The following TMPRSS9 variants were observed in gnomAD, a reference collection of about 807,000 sequenced individuals.
TMPRSS9 encodes transmembrane serine protease 9.
Under a neutral mutation model 111.4 loss-of-function variants are expected in TMPRSS9, and 113 were observed. The observed-to-expected ratio is 1.01, with a 90% CI of 0.87 to 1.19. The LOEUF (loss-of-function observed/expected upper bound fraction) is 1.19, where lower values mean the gene tolerates loss of function less well. Among genes scored for constraint, TMPRSS9 ranks in the 50% most tolerant of loss-of-function variants. TMPRSS9 has a pLI of 0.00. For synonymous variants in TMPRSS9, 805 were observed against 659.1 expected, an observed-to-expected ratio of 1.22 and a Z score of -3.39; for missense variants, 1,803 against 1,513.1, an observed-to-expected ratio of 1.19 and a Z score of -3.18.
At chr19:2,424,643 A>C (rs1012402407) in intron 15 of TMPRSS9, among the ~76,000 whole-genome samples, 15 of 151,426 alleles carry the variant, frequency 9.9e-5, no homozygotes, top group Admixed American at 9.2e-4. Context: ...CACCCAGTAG[A>C]AAGCTGCCCT....
chr19:2,416,100 A>C, intron 11 of TMPRSS9: 1 of 442,982 alleles, frequency 2.3e-6, no homozygotes, highest in East Asian at 3.7e-5. Flanking sequence ...ATTCCCAGGC[A>C]TGGTGGCCCG....
At chr19:2,393,436 C>T (rs994061014) in intron 1 of TMPRSS9, among the ~76,000 whole-genome samples, 1 of 152,130 alleles carries the variant, frequency 6.6e-6, no homozygotes. Flanking sequence ...GGAAGAAATT[C>T]CGAACACATC....
At chr19:2,378,060 C>T (rs1220493806) in intron 1 of TMPRSS9, among the ~76,000 whole-genome samples, 4 of 151,760 alleles carry the variant, frequency 2.6e-5, no homozygotes, top group African/African-American at 4.8e-5. Context: ...TTTTACATTT[C>T]GTAGAGATGG....
At chr19:2,419,541 G>A (rs1971416858) in intron 13 of TMPRSS9, among the ~76,000 whole-genome samples, 1 of 149,320 alleles carries the variant, frequency 6.7e-6, no homozygotes, top group African/African-American at 2.5e-5. Context: ...TTTTGAGATG[G>A]AGTCTTACTC....
At chr19:2,363,832 G>A (rs1373306684) in intron 1 of TMPRSS9, among the ~76,000 whole-genome samples, 1 of 134,902 alleles carries the variant, frequency 7.4e-6, no homozygotes, top group Non-Finnish European at 1.6e-5. Flanking sequence ...GTGAGAGAGA[G>A]AGAGAGAGTG....
exon 14 of TMPRSS9, chr19:2,422,189 T>C: frequency 1.3e-6 from 2 of 1,546,454 alleles, no homozygotes; most frequent in South Asian, 2.5e-5. Flanking sequence ...GCACCACTGC[T>C]AGGGGACAGA....
intron 1 of TMPRSS9, among the ~76,000 whole-genome samples, chr19:2,364,862 C>T (rs1970236155): frequency 6.6e-6 from 1 of 151,934 alleles, no homozygotes; most frequent in Admixed American, 6.6e-5. Context: ...TGGCGGGCGC[C>T]TGTAATCTCG....
At chr19:2,379,615 C>CTCTTCCTTTCTTTCTTTCTT (rs1555676519) in intron 1 of TMPRSS9, among the ~76,000 whole-genome samples, 1 of 118,510 alleles carries the variant, frequency 8.4e-6, no homozygotes, top group Non-Finnish European at 1.8e-5. Context: ...AACTTTCTTT[C>CTCTTCCTTTCTTTCTTTCTT]TCTTTCTTTC....
chr19:2,415,390 G>A (rs913094136), intron 10 of TMPRSS9, among the ~76,000 whole-genome samples: 1 of 152,136 alleles, frequency 6.6e-6, no homozygotes, highest in Non-Finnish European at 1.5e-5. Flanking sequence ...TTTGTGGGCT[G>A]CGGGTCTGTG....
At chr19:2,394,675 C>T (rs1204614564) in intron 1 of TMPRSS9, among the ~76,000 whole-genome samples, 5 of 152,106 alleles carry the variant, frequency 3.3e-5, no homozygotes, top group Non-Finnish European at 7.3e-5. Context: ...TATATGGCTA[C>T]GTAAATACCC....
At chr19:2,361,860 T>C (rs913657170) in intron 1 of TMPRSS9, among the ~76,000 whole-genome samples, 1 of 151,970 alleles carries the variant, frequency 6.6e-6, no homozygotes, top group South Asian at 2.1e-4. Flanking sequence ...GGCCGCGTGG[T>C]GGCCACCGCC....
chr19:2,366,085 G>A (rs998175415), intron 1 of TMPRSS9, among the ~76,000 whole-genome samples: 1 of 152,164 alleles, frequency 6.6e-6, no homozygotes, highest in African/African-American at 2.4e-5. Flanking sequence ...GGAAAAAAAG[G>A]GAACCCCCTG....
chr19:2,392,232 A>T (rs1970613255), intron 1 of TMPRSS9, among the ~76,000 whole-genome samples: 1 of 152,006 alleles, frequency 6.6e-6, no homozygotes, highest in South Asian at 2.1e-4. Flanking sequence ...TTAAAATTTT[A>T]TAATGTTTTC....
In TMPRSS9 at chr19:2,424,975, C is replaced by G; in HGVS notation, c.2718-27C>G. The stretch of plus-strand genomic sequence containing the variant: ...GGGCCGGGGGCGTGGGGGCTCGGGC[C>G]GACGCCTGTCCTCGCGCGCCCCGCA... On this transcript the variant is annotated intron_variant, in intron 15 of 17. Coordinates refer to ENST00000648592, the Ensembl canonical transcript of TMPRSS9. The G allele has an allele frequency of 2.0e-6, 3 of 1,477,392 alleles. No homozygotes were observed. In the South Asian group the frequency reaches 3.9e-5, roughly 19 times the overall value. 91.5% of individuals were successfully genotyped at this position (1,477,392 alleles called of 1,614,324 possible). A position where few individuals can be genotyped will look rare whatever the true frequency, so the allele number is the denominator to read the frequency against.
intron 1 of TMPRSS9, among the ~76,000 whole-genome samples, chr19:2,391,588 C>G (rs978918363): frequency 2.4e-5 from 3 of 123,634 alleles, no homozygotes; most frequent in Non-Finnish European, 5.5e-5. Flanking sequence ...GCGTGTGTAT[C>G]TATGTGTGCA....
intron 8 of TMPRSS9, 94 bp downstream of exon 9, chr19:2,408,724 C>T: frequency 1.3e-6 from 2 of 1,495,014 alleles, no homozygotes; most frequent in Non-Finnish European, 1.8e-6. Flanking sequence ...CGCCTGTCAT[C>T]CCAGCACTTT....
rs371981796 is a variant in TMPRSS9, at chr19:2,389,839, C to T, written c.54C>T (p.Val18=). 4.3e-6 allele frequency: 7 copies of T among 1,613,928 alleles called. No homozygotes were observed. The African/African-American group carries it at 6.7e-5, about 15-fold the overall frequency. ...TCGTGCCCAGGACAACCAAGGAAGT[C>T]CCCGCTCTGGATGCCGCGTGCTGTC... The change falls in exon 1 of 18, where the codon GTC becomes GTT. Residue 18 remains valine, a synonymous_variant. Coordinates refer to ENST00000648592, the Ensembl canonical transcript of TMPRSS9.
chr19:2,425,213 C>T (rs1418523923), exon 16 of TMPRSS9: 11 of 1,487,214 alleles, frequency 7.4e-6, no homozygotes, highest in Non-Finnish European at 8.9e-6. Flanking sequence ...CGCGCCGCGA[C>T]CCCCGGACGG....
chr19:2,361,006 C>T (rs892295200), intron 1 of TMPRSS9, among the ~76,000 whole-genome samples: 2 of 149,784 alleles, frequency 1.3e-5, no homozygotes, highest in Non-Finnish European at 3.0e-5. Context: ...AAGCCCTCCC[C>T]ATCCCTGTTC....
Sources: allele counts gnomAD v4.1 joint callset (sites outside exome capture counted in the v4.1 genomes callset), GRCh38; gene constraint gnomAD v4.1.1; transcripts MANE v1.5; gene names NCBI Gene and HGNC (gene_info 2026-07-23, HGNC 2026-07-21).